The following ZNF600 variants were observed in gnomAD, a reference collection of about 807,000 sequenced individuals.
The protein encoded by ZNF600 is zinc finger protein 600.
A neutral mutation model predicts 7.3 loss-of-function variants in ZNF600; 4 were observed. The ratio of observed to expected loss-of-function variants is 0.55; its 90% CI spans 0.27 to 1.25. The LOEUF (loss-of-function observed/expected upper bound fraction) is 1.25, where lower values mean the gene tolerates loss of function less well. Ranked by LOEUF, ZNF600 falls within the 50% of genes most tolerant of loss-of-function variation. The pLI, the probability that ZNF600 is intolerant of heterozygous loss-of-function variation, is 0.12. For synonymous variants in ZNF600, 290 were observed against 308.9 expected, an observed-to-expected ratio of 0.94 and a Z score of 0.64; for missense variants, 911 against 922.1, an observed-to-expected ratio of 0.99 and a Z score of 0.16.
chr19:52,820,004 C>T, the ZNF600 span, among the ~76,000 whole-genome samples: 4 of 145,182 alleles, frequency 2.8e-5, no homozygotes, highest in South Asian at 2.3e-4. Flanking sequence ...GGTGGATTAC[C>T]TGAGGTCAGG....
At chr19:52,788,303 G>A (rs960304954), upstream of ZNF600, among the ~76,000 whole-genome samples, 4 of 152,156 alleles carry the variant, frequency 2.6e-5, no homozygotes, top group African/African-American at 7.2e-5. Flanking sequence ...AAAGGAAAGA[G>A]ACAGAAGAAT....
At chr19:52,776,650 T>G (rs753478128) in intron 2 of ZNF600, among the ~76,000 whole-genome samples, 1 of 152,180 alleles carries the variant, frequency 6.6e-6, no homozygotes, top group Non-Finnish European at 1.5e-5. Context: ...GACATCGTGA[T>G]CTACCTGCCT....
In ZNF600 at chr19:52,783,442, A is replaced by C. The variant is rs186430098; in HGVS notation, c.-20+3153T>G. On this transcript the variant is annotated intron_variant, in intron 1 of 3. Coordinates refer to ENST00000648973, the Ensembl canonical transcript of ZNF600. ...AGTGGCGCGATCTCGGCTCACTGCAAGCTCCGCCTCCCGGGTTCATGTCAT... is the reference window on the plus strand; with the variant it reads ...AGTGGCGCGATCTCGGCTCACTGCACGCTCCGCCTCCCGGGTTCATGTCAT... Among the ~76,000 whole-genome samples the C allele has an allele frequency of 4.0e-4, 61 of 152,152 alleles. No homozygotes were observed. The East Asian group carries it at 0.012, about 29-fold the overall frequency.
chr19:52,778,571 A>C (rs1044532707), intron 2 of ZNF600, among the ~76,000 whole-genome samples: 1 of 152,032 alleles, frequency 6.6e-6, no homozygotes, highest in African/African-American at 2.4e-5. Flanking sequence ...ATGGGCCCAC[A>C]CCCCATGTTT....
chr19:52,821,088 G>A, the ZNF600 span, among the ~76,000 whole-genome samples: 1 of 152,114 alleles, frequency 6.6e-6, no homozygotes, highest in Admixed American at 6.5e-5. Flanking sequence ...GACTGCGGAG[G>A]GGAGATCTGG....
the ZNF600 span, among the ~76,000 whole-genome samples, chr19:52,819,589 TG>T: frequency 1.1e-4 from 9 of 83,248 alleles, 2 homozygotes; most frequent in South Asian, 9.0e-4. Flanking sequence ...GGAGGCTCAC[TG>T]GGGCTCAGAG....
chr19:52,829,999 A>C, the ZNF600 span, among the ~76,000 whole-genome samples: 64 of 152,266 alleles, frequency 4.2e-4, no homozygotes, highest in African/African-American at 1.4e-3. Flanking sequence ...GGCAGCTGGG[A>C]ACGGTGGCTC....
At chr19:52,816,002 A>T in the ZNF600 span, among the ~76,000 whole-genome samples, 5 of 146,940 alleles carry the variant, frequency 3.4e-5, 1 homozygote, top group East Asian at 4.0e-4. Context: ...AATTTTTTTT[A>T]AAGTCTCATA....
At chr19:52,767,793 T>C in intron 3 of ZNF600, 21 bp from the exon 6 acceptor site, 6 of 1,534,128 alleles carry the variant, frequency 3.9e-6, no homozygotes, top group Non-Finnish European at 5.2e-6. Context: ...TAAACAACAA[T>C]AGGTTTCCAA....
chr19:52,776,440 C>T (rs1456911404), intron 2 of ZNF600, among the ~76,000 whole-genome samples: 4 of 150,874 alleles, frequency 2.7e-5, no homozygotes, highest in Middle Eastern at 6.8e-3. Context: ...GAGATGGAGT[C>T]TCACTCTATT....
chr19:52,805,857 G>A, the ZNF600 span: 1 of 152,026 alleles, frequency 6.6e-6, no homozygotes, highest in East Asian at 1.9e-4. Flanking sequence ...GTGCATATCT[G>A]TAATCCCAGC....
intron 3 of ZNF600, among the ~76,000 whole-genome samples, chr19:52,770,115 G>A (rs993082638): frequency 6.6e-6 from 1 of 152,102 alleles, no homozygotes; most frequent in Non-Finnish European, 1.5e-5. Context: ...TCATGTATGA[G>A]GTCAAGAAAA....
chr19:52,801,202 A>C, the ZNF600 span: 1 of 1,614,118 alleles, frequency 6.2e-7, no homozygotes, highest in Non-Finnish European at 8.5e-7. Flanking sequence ...ATACATTGGA[A>C]AGATTTTTCT....
chr19:52,766,403 G>A, exon 4 of ZNF600: 1 of 1,614,080 alleles, frequency 6.2e-7, no homozygotes, highest in Non-Finnish European at 8.5e-7. Flanking sequence ...ATCCACAACT[G>A]AAAACCTTTT....
chr19:52,786,941 GT>G (rs1228631673), upstream of ZNF600: 3 of 166,440 alleles, frequency 1.8e-5, no homozygotes, highest in South Asian at 2.6e-4. Flanking sequence ...TGTTTTTCGA[GT>G]TTTTGGAGGC....
chr19:52,810,111 G>A, the ZNF600 span: 6 of 810,630 alleles, frequency 7.4e-6, no homozygotes, highest in Middle Eastern at 3.4e-4. Flanking sequence ...CCAAGAGGAG[G>A]GGGAGGAGCC....
chr19:52,804,430 G>C, the ZNF600 span, among the ~76,000 whole-genome samples: 2 of 152,108 alleles, frequency 1.3e-5, no homozygotes, highest in South Asian at 2.1e-4. Flanking sequence ...GAGTAGAGTA[G>C]CGTGATCTTG....
intron 3 of ZNF600, among the ~76,000 whole-genome samples, chr19:52,773,552 G>T (rs999539586): frequency 6.6e-6 from 1 of 152,098 alleles, no homozygotes; most frequent in Admixed American, 6.5e-5. Context: ...GGATGCCCTG[G>T]CTGAGTAGGT....
the ZNF600 span, chr19:52,799,785 C>T: frequency 6.2e-7 from 1 of 1,613,990 alleles, no homozygotes. Context: ...AGGTTTCTCT[C>T]CAGTATGAAC....
Sources: gnomAD v4.1 joint callset for allele counts (sites outside exome capture counted in the v4.1 genomes callset) on GRCh38, gnomAD v4.1.1 for gene constraint, MANE v1.5 for transcripts, NCBI Gene and HGNC (gene_info 2026-07-23, HGNC 2026-07-21) for gene names.